CCDC50: variants seen among roughly 807,000 people sequenced by gnomAD.
The protein encoded by CCDC50 is coiled-coil domain containing 50.
In CCDC50, 54 loss-of-function variants were observed where a neutral mutation model predicts 70.2. The observed-to-expected ratio is 0.77, with a 90% CI of 0.62 to 0.96. The LOEUF (loss-of-function observed/expected upper bound fraction) is 0.96, where lower values mean the gene tolerates loss of function less well. CCDC50 is among the 50% of genes least tolerant of loss of function. The probability of loss-of-function intolerance (pLI) is 0.00; values close to 1 mark genes in which losing one functional copy is unlikely to be tolerated. For synonymous variants in CCDC50, 216 were observed against 198.8 expected, an observed-to-expected ratio of 1.09 and a Z score of -0.73; for missense variants, 558 against 578.7, an observed-to-expected ratio of 0.96 and a Z score of 0.37.
intron 1 of CCDC50, among the ~76,000 whole-genome samples, chr3:191,337,636 C>G (rs927602230): frequency 1.3e-5 from 2 of 152,000 alleles, no homozygotes; most frequent in Non-Finnish European, 2.9e-5. Flanking sequence ...AGCCACTGCA[C>G]CCAGCCTCTT....
At chr3:191,369,800 A>G (rs936207021) in intron 4 of CCDC50, 119 bp from the exon 5 acceptor site, 9 of 749,222 alleles carry the variant, frequency 1.2e-5, no homozygotes, top group Non-Finnish European at 1.9e-5. Flanking sequence ...AATGCCAGAA[A>G]GTCTAGAGAG....
Position 191,375,572 on chromosome 3 carries a change from T to A in CCDC50, c.959T>A (p.Leu320His). 6.2e-7 allele frequency: 1 copy of A among 1,612,994 alleles called. No individual in the cohort carries two copies. Among genetic ancestry groups the A allele is most frequent in the Non-Finnish European group, 8.5e-7 (1 of 1,179,612 alleles). The change falls in exon 6 of 12, where the codon CTC (leucine) becomes CAC (histidine). Residue 320 changes from leucine (L) to histidine (H), a missense_variant. By Grantham distance (99) the Leu-to-His change is moderately conservative. Transcript: ENST00000392455. ...CCATTCTCAGAGAGTGAGGAGCAGC[T>A]CCACCTCCATGACGCAGGTAATAGA... ...TPPFSESEEQLHLHDAGMKPR... is the reference protein window; with the variant it reads ...TPPFSESEEQHHLHDAGMKPR...
chr3:191,371,435 G>C (rs1436733018), intron 5 of CCDC50, among the ~76,000 whole-genome samples: 1 of 152,170 alleles, frequency 6.6e-6, no homozygotes, highest in African/African-American at 2.4e-5. Flanking sequence ...CCAATACTTA[G>C]GATCACAAGT....
At chr3:191,366,599 C>T (rs921104887) in intron 4 of CCDC50, among the ~76,000 whole-genome samples, 3 of 151,822 alleles carry the variant, frequency 2.0e-5, no homozygotes, top group Non-Finnish European at 4.4e-5. Flanking sequence ...ACATTAATTA[C>T]CTGAGTTTTT....
intron 5 of CCDC50, among the ~76,000 whole-genome samples, chr3:191,374,073 G>T (rs1713004930): frequency 6.6e-6 from 1 of 152,084 alleles, no homozygotes; most frequent in Non-Finnish European, 1.5e-5. Context: ...ATGGAATTGG[G>T]ATTTTTCGTT....
chr3:191,335,901 T>G (rs891390666), intron 1 of CCDC50, among the ~76,000 whole-genome samples: 3 of 152,074 alleles, frequency 2.0e-5, no homozygotes, highest in African/African-American at 7.2e-5. Flanking sequence ...ACAGAACAGT[T>G]CCTAACCCCC....
At position 191,393,999 on chromosome 3, in the gene CCDC50, C is replaced by A. The variant is rs181365331; in HGVS notation, c.*2239C>A. On this transcript the variant is annotated 3_prime_UTR_variant, in exon 12 of 12. Transcript: ENST00000392455. Reference sequence around the variant, plus strand: ...CTTTAAAAATTCTGCATTTCTCTTGCCTCTCATGTACTTCATCCAGTTATT... The same window carrying A: ...CTTTAAAAATTCTGCATTTCTCTTGACTCTCATGTACTTCATCCAGTTATT... 359 of 152,104 alleles carry A rather than the reference C, an allele frequency of 2.4e-3. 2 individuals carry two copies. Among genetic ancestry groups the A allele is most frequent in the African/African-American group, 8.3e-3 (346 of 41,498 alleles). The allele number at this position is 152,104 out of a possible 1,614,324, so 9.4% of individuals were successfully genotyped here.
chr3:191,343,254 C>G (rs772051634), intron 1 of CCDC50, among the ~76,000 whole-genome samples: 28 of 152,182 alleles, frequency 1.8e-4, no homozygotes, highest in African/African-American at 6.5e-4. Context: ...ATTACAGGGG[C>G]GTAAACATAA....
rs1329040139 is a variant in CCDC50 at position 191,394,718 on chromosome 3, T to G, written c.*2958T>G. 6.6e-6 allele frequency: 1 copy of G among 152,196 alleles called. No homozygotes were observed. The highest frequency in any genetic ancestry group is 2.4e-5 in the African/African-American group (1 of 41,452). The allele number at this position is 152,196 out of a possible 1,614,324, so 9.4% of individuals were successfully genotyped here. ...ATAGACACCCACTCTCCTCCACATT[T>G]TATAAATCATTGTTTGGAAGTAAAG... On this transcript the variant is annotated 3_prime_UTR_variant, in exon 12 of 12. Transcript: ENST00000392455.
chr3:191,353,441 C>A (rs1712169002), intron 1 of CCDC50, among the ~76,000 whole-genome samples: 1 of 141,054 alleles, frequency 7.1e-6, no homozygotes, highest in African/African-American at 2.5e-5. Context: ...TTAAATGTGC[C>A]CACAGAGAAA....
At chr3:191,366,002 C>T (rs914311755) in intron 4 of CCDC50, among the ~76,000 whole-genome samples, 1 of 152,140 alleles carries the variant, frequency 6.6e-6, no homozygotes, top group Non-Finnish European at 1.5e-5. Context: ...GATGCTCAAC[C>T]TGTAAATGAC....
At chr3:191,363,335 A>G (rs1300162970) in intron 4 of CCDC50, among the ~76,000 whole-genome samples, 1 of 152,222 alleles carries the variant, frequency 6.6e-6, no homozygotes, top group African/African-American at 2.4e-5. Context: ...TGACTTAGAC[A>G]TACTGTGGTA....
intron 4 of CCDC50, among the ~76,000 whole-genome samples, chr3:191,368,200 C>T (rs1342845989): frequency 1.3e-5 from 2 of 151,970 alleles, no homozygotes; most frequent in Non-Finnish European, 2.9e-5. Context: ...TTAATTTTAA[C>T]TTTCAGATTT....
chr3:191,375,012 A>C lies in CCDC50; in HGVS notation c.449-50A>C, dbSNP rs1163142910. ...CCTGTGTAGTGAGTTCATAACTCTC[A>C]TTAAATTAATCTGCATTTTTATTTT... On this transcript the variant is annotated intron_variant, in intron 5 of 11. Coordinates refer to ENST00000392455, the MANE Select transcript of CCDC50 (RefSeq NM_178335.3). 15 of 1,586,438 alleles carry C rather than the reference A, an allele frequency of 9.5e-6. No individual in the cohort carries two copies. In the South Asian group the frequency reaches 1.6e-4, roughly 17 times the overall value.
At position 191,395,598 on chromosome 3, in the gene CCDC50, G is replaced by A. The variant is rs2108681611; in HGVS notation, c.*3838G>A. On this transcript the variant is annotated 3_prime_UTR_variant, in exon 12 of 12. Transcript: ENST00000392455. ...GAGATCTCTGTGTAAACAGCTTTCTGAAGGACTGATAATAGAATAGAACTT... is the reference window on the plus strand; with the variant it reads ...GAGATCTCTGTGTAAACAGCTTTCTAAAGGACTGATAATAGAATAGAACTT... 1 of 152,174 alleles carries A rather than the reference G, an allele frequency of 6.6e-6. No individual in the cohort carries two copies. The highest frequency in any genetic ancestry group is 2.4e-5 in the African/African-American group (1 of 41,514). The allele number at this position is 152,174 out of a possible 1,614,324, so 9.4% of individuals were successfully genotyped here.
chr3:191,338,740 T>C (rs1013885120), intron 1 of CCDC50, among the ~76,000 whole-genome samples: 1 of 152,228 alleles, frequency 6.6e-6, no homozygotes, highest in Non-Finnish European at 1.5e-5. Flanking sequence ...CTTTTTGTTG[T>C]ATGAGTTGTT....
chr3:191,367,835 G>A (rs437244), intron 4 of CCDC50, among the ~76,000 whole-genome samples: 98,567 of 151,928 alleles, frequency 0.65, 33,815 homozygotes, highest in East Asian at 0.92. Flanking sequence ...AAATGTTTAC[G>A]TTTCTTTCTA....
chr3:191,363,130 CTTTAT>C (rs1712554686), intron 4 of CCDC50, among the ~76,000 whole-genome samples: 1 of 151,202 alleles, frequency 6.6e-6, no homozygotes, highest in African/African-American at 2.4e-5. Context: ...AAATAAAACA[CTTTAT>C]TTTAATTATG....
At chr3:191,365,842 T>C (rs1027057484) in intron 4 of CCDC50, among the ~76,000 whole-genome samples, 1 of 152,192 alleles carries the variant, frequency 6.6e-6, no homozygotes, top group African/African-American at 2.4e-5. Context: ...CCATCCCTTA[T>C]ATATTTAAAT....
Sources: gnomAD v4.1 joint callset for allele counts (sites outside exome capture counted in the v4.1 genomes callset) on GRCh38, gnomAD v4.1.1 for gene constraint, MANE v1.5 for transcripts, NCBI Gene and HGNC (gene_info 2026-07-23, HGNC 2026-07-21) for gene names.